The following DNAH7 variants were observed in gnomAD, a reference collection of about 807,000 sequenced individuals.
DNAH7 encodes the protein axonemal beta dynein heavy chain 7.
In DNAH7, 397 loss-of-function variants were observed where a neutral mutation model predicts 444.6. That is an observed-to-expected ratio of 0.89 (90% CI 0.82 to 0.97). The LOEUF is 0.97. Among genes scored for constraint, DNAH7 ranks in the 50% least tolerant of loss-of-function variants. The probability of loss-of-function intolerance (pLI) is 0.00; values close to 1 mark genes in which losing one functional copy is unlikely to be tolerated. For synonymous variants in DNAH7, 1,636 were observed against 1,624.4 expected, an observed-to-expected ratio of 1.01 and a Z score of -0.17; for missense variants, 4,902 against 4,800.8, an observed-to-expected ratio of 1.02 and a Z score of -0.62.
intron 62 of DNAH7, 143 bp downstream of exon 62, chr2:195,755,990 T>C: frequency 5.2e-6 from 4 of 776,558 alleles, no homozygotes; most frequent in Non-Finnish European, 7.8e-6. Flanking sequence ...GTTACATACA[T>C]TATATGAAAT....
At chr2:195,756,745 G>A (rs186848865) in intron 61 of DNAH7, among the ~76,000 whole-genome samples, 4 of 152,162 alleles carry the variant, frequency 2.6e-5, no homozygotes, top group Admixed American at 2.6e-4. Context: ...TGTAATCCTA[G>A]GACTTTGGGG....
intron 22 of DNAH7, among the ~76,000 whole-genome samples, chr2:195,924,513 G>C (rs1417833899): frequency 6.6e-6 from 1 of 151,940 alleles, no homozygotes; most frequent in African/African-American, 2.4e-5. Context: ...AGAATAGCTT[G>C]AAACTGGGAG....
chr2:196,023,209 T>C (rs1695483360), intron 8 of DNAH7, among the ~76,000 whole-genome samples: 1 of 152,150 alleles, frequency 6.6e-6, no homozygotes, highest in South Asian at 2.1e-4. Flanking sequence ...ATCTTCCCTC[T>C]CACTCTTCAT....
intron 48 of DNAH7, among the ~76,000 whole-genome samples, chr2:195,827,172 A>G (rs1697803739): frequency 6.6e-6 from 1 of 152,214 alleles, no homozygotes; most frequent in Non-Finnish European, 1.5e-5. Context: ...GGATGGCAGG[A>G]ACAACCAGCA....
intron 47 of DNAH7, among the ~76,000 whole-genome samples, chr2:195,841,278 T>C (rs1315985444): frequency 6.6e-6 from 1 of 151,662 alleles, no homozygotes; most frequent in Non-Finnish European, 1.5e-5. Flanking sequence ...CCCAACCCTC[T>C]TTCCCCATAT....
At chr2:195,763,274 C>T (rs930698719) in intron 61 of DNAH7, among the ~76,000 whole-genome samples, 9 of 152,024 alleles carry the variant, frequency 5.9e-5, no homozygotes, top group African/African-American at 1.9e-4. Flanking sequence ...TAAGTGCCTA[C>T]ATCAAAAAAG....
Position 195,754,513 on chromosome 2 carries a change from T to A in DNAH7, c.11588A>T (p.Gln3863Leu). 1 of 1,613,398 alleles carries A rather than the reference T, an allele frequency of 6.2e-7. No homozygotes were observed. Among genetic ancestry groups the A allele is most frequent in the East Asian group, 2.2e-5 (1 of 44,870 alleles). ...TGGAGGAGGACCAACCTCATACCATTGCTAGGGTGTAAAACACAAGTGGGC... is the reference window on the plus strand; with the variant it reads ...TGGAGGAGGACCAACCTCATACCATAGCTAGGGTGTAAAACACAAGTGGGC... Reference protein sequence around the residue: ...DFLARLKFLQQWYEVGPPPVF... With the variant: ...DFLARLKFLQLWYEVGPPPVF... Residue 3863 changes from glutamine to leucine, a missense_variant and splice_region_variant, in exon 63 of 65, where the codon CAA becomes CTA. Coordinates refer to ENST00000312428, the MANE Select transcript of DNAH7 (RefSeq NM_018897.3).
At chr2:195,752,769 A>G (rs1389235677) in intron 63 of DNAH7, among the ~76,000 whole-genome samples, 2 of 152,200 alleles carry the variant, frequency 1.3e-5, no homozygotes, top group African/African-American at 4.8e-5. Context: ...ACTGGTAAAA[A>G]TCACTAAGAG....
At chr2:195,942,163 G>C (rs1689493901) in intron 19 of DNAH7, among the ~76,000 whole-genome samples, 1 of 152,056 alleles carries the variant, frequency 6.6e-6, no homozygotes, top group African/African-American at 2.4e-5. Flanking sequence ...TGCCAAAAAA[G>C]TCAAAGGTGG....
chr2:195,882,058 G>C (rs757961555), intron 35 of DNAH7, 66 bp from the exon 36 acceptor site: 1 of 1,364,942 alleles, frequency 7.3e-7, no homozygotes, highest in East Asian at 2.4e-5. Context: ...ATACTCCTGT[G>C]CCATTGTAGA....
At chr2:195,954,827 T>A (rs1425075203) in intron 19 of DNAH7, among the ~76,000 whole-genome samples, 1 of 152,252 alleles carries the variant, frequency 6.6e-6, no homozygotes. Context: ...AAATGTCTTC[T>A]TTTGAGAAGT....
chr2:195,910,182 C>T lies in DNAH7; in HGVS notation c.3949G>A (p.Ala1317Thr). The T allele has an allele frequency of 6.2e-7, 1 of 1,609,012 alleles. No individual in the cohort carries two copies. Among genetic ancestry groups the T allele is most frequent in the Non-Finnish European group, 8.5e-7 (1 of 1,177,796 alleles). The change falls in exon 25 of 65, where the codon GCC becomes ACC. Residue 1317 changes from alanine to threonine, a missense_variant. By Grantham distance (58) the Ala-to-Thr change is moderately conservative (BLOSUM62 0). Transcript: ENST00000312428. ...TDRCYRTLFGALHLHLGGAPE... is the reference protein window; with the variant it reads ...TDRCYRTLFGTLHLHLGGAPE... The stretch of plus-strand genomic sequence containing the variant: ...GCTCCTCCAAGGTGCAAATGAAGGG[C>T]TCCAAATAAGGTTCTGAAACATATG...
At chr2:195,940,967 T>C (rs1370372358) in intron 19 of DNAH7, among the ~76,000 whole-genome samples, 3 of 152,180 alleles carry the variant, frequency 2.0e-5, no homozygotes, top group African/African-American at 7.2e-5. Context: ...AGTGTGGCGA[T>C]TCCTCAAAGA....
intron 1 of DNAH7, 38 bp from the exon 2 acceptor site, chr2:196,058,154 C>T (rs747980113): frequency 1.5e-5 from 23 of 1,514,674 alleles, no homozygotes; most frequent in Middle Eastern, 1.7e-4. Flanking sequence ...CTGTTTACTC[C>T]GTTAATGCTA....
chr2:195,834,509 CAG>C (rs1698234908), intron 47 of DNAH7, 149 bp from the exon 48 acceptor site: 8 of 855,730 alleles, frequency 9.3e-6, no homozygotes, highest in Non-Finnish European at 1.3e-5. Context: ...GTTCTTAAAA[CAG>C]AGACGTGTAG....
chr2:195,817,662 A>C (rs1335418886), intron 50 of DNAH7, 34 bp downstream of exon 50: 2 of 1,561,878 alleles, frequency 1.3e-6, no homozygotes, highest in Non-Finnish European at 1.7e-6. Flanking sequence ...ATCTAGAAAC[A>C]AATAAGAATA....
chr2:196,060,555 ACTCT>A (rs779907668), intron 1 of DNAH7, among the ~76,000 whole-genome samples: 8 of 151,432 alleles, frequency 5.3e-5, no homozygotes, highest in Admixed American at 3.3e-4. Context: ...GCAATTTGAA[ACTCT>A]CTCTAATGTG....
At position 195,774,553 on chromosome 2, in the gene DNAH7, T is replaced by A. The variant is rs13404355; in HGVS notation, c.11202+1293A>T. Reference sequence around the variant, plus strand: ...AATCTGGAAAGAGAATATAGCACAGTGGTTTAGAACACAAGATTCTGGAGC... The same window carrying A: ...AATCTGGAAAGAGAATATAGCACAGAGGTTTAGAACACAAGATTCTGGAGC... On this transcript the variant is annotated intron_variant, in intron 60 of 64. Transcript: ENST00000312428. Among the ~76,000 whole-genome samples, 1,465 of 152,258 alleles carry A rather than the reference T, an allele frequency of 9.6e-3. 22 individuals carry two copies. Among genetic ancestry groups the A allele is most frequent in the African/African-American group, 0.033 (1,368 of 41,542 alleles).
intron 63 of DNAH7, among the ~76,000 whole-genome samples, chr2:195,752,550 G>C (rs1693852130): frequency 6.6e-6 from 1 of 152,104 alleles, no homozygotes; most frequent in South Asian, 2.1e-4. Context: ...AATGTTTAAA[G>C]ATAAAAAAGA....
Sources: allele counts gnomAD v4.1 joint callset (sites outside exome capture counted in the v4.1 genomes callset), GRCh38; gene constraint gnomAD v4.1.1; transcripts MANE v1.5; gene names NCBI Gene and HGNC (gene_info 2026-07-23, HGNC 2026-07-21).